The following PRKG1 variants were observed in gnomAD, a reference collection of about 807,000 sequenced individuals.
The protein encoded by PRKG1 is cGMP-dependent protein kinase 1.
PRKG1 carries 35 observed loss-of-function variants against 88.1 expected under a neutral mutation model. The observed-to-expected ratio is 0.40, with a 90% CI of 0.30 to 0.53. PRKG1 has a LOEUF of 0.53. Among genes scored for constraint, PRKG1 ranks in the 20% least tolerant of loss-of-function variants. PRKG1 has a pLI of 0.59. For synonymous variants in PRKG1, 303 were observed against 292.5 expected (o/e 1.04, Z -0.37); for missense variants, 540 against 839.8 (o/e 0.64, Z 4.41).
At chr10:52,227,759 G>T (rs1375696533) in intron 9 of PRKG1, among the ~76,000 whole-genome samples, 2 of 152,108 alleles carry the variant, frequency 1.3e-5, no homozygotes, top group Non-Finnish European at 2.9e-5. Flanking sequence ...GCATAGCATT[G>T]CAATGATAGA....
intron 2 of PRKG1, among the ~76,000 whole-genome samples, chr10:51,329,668 A>G (rs1045949385): frequency 6.6e-6 from 1 of 151,890 alleles, no homozygotes; most frequent in Non-Finnish European, 1.5e-5. Context: ...ATTCTCCTTC[A>G]TTTCTGAAGG....
intron 3 of PRKG1, among the ~76,000 whole-genome samples, chr10:51,596,360 A>C (rs77515475): frequency 0.079 from 11,954 of 152,176 alleles, 1,568 homozygotes; most frequent in African/African-American, 0.27. Flanking sequence ...TCAATATCTT[A>C]TCTTCTTCCT....
At chr10:51,772,692 A>G (rs1048385000) in intron 3 of PRKG1, among the ~76,000 whole-genome samples, 1 of 151,966 alleles carries the variant, frequency 6.6e-6, no homozygotes, top group African/African-American at 2.4e-5. Flanking sequence ...ATTTTTTCTT[A>G]AAAACATAAT....
intron 7 of PRKG1, among the ~76,000 whole-genome samples, chr10:52,112,762 G>A (rs892176183): frequency 6.6e-6 from 1 of 152,126 alleles, no homozygotes; most frequent in Non-Finnish European, 1.5e-5. Context: ...CTAAGCAGCT[G>A]TAAGCATAAG....
At chr10:52,281,063 A>T in intron 13 of PRKG1, 133 bp downstream of exon 13, 1 of 1,063,488 alleles carries the variant, frequency 9.4e-7, no homozygotes, top group Non-Finnish European at 1.3e-6. Flanking sequence ...AGATTTTAGC[A>T]TTACACTTTT....
rs2132634289 is a variant in PRKG1, at chr10:51,384,052, GT to G, written c.479-83668del. Among the ~76,000 whole-genome samples, 3 of 152,038 alleles carry G rather than the reference GT, an allele frequency of 2.0e-5. No individual in the cohort carries two copies. The South Asian group carries it at 6.2e-4, about 32-fold the overall frequency. On this transcript the variant is annotated intron_variant, in intron 2 of 17. Coordinates refer to ENST00000373980, the MANE Select transcript of PRKG1 (RefSeq NM_006258.4). ...AGCACCACCTGAAAGATTTAATTCT[GT>G]TTGATCAAGACATCAATATAACTGT...
chr10:51,454,783 A>G (rs1031479492), intron 2 of PRKG1, among the ~76,000 whole-genome samples: 2 of 152,174 alleles, frequency 1.3e-5, no homozygotes, highest in African/African-American at 4.8e-5. Flanking sequence ...TGATTCAGTT[A>G]TCTCCCACTG....
At chr10:51,797,695 A>T (rs1277412053) in intron 3 of PRKG1, among the ~76,000 whole-genome samples, 2 of 151,254 alleles carry the variant, frequency 1.3e-5, no homozygotes, top group African/African-American at 2.4e-5. Context: ...ACAATCAATC[A>T]GTGCCTTTAA....
intron 8 of PRKG1, among the ~76,000 whole-genome samples, chr10:52,158,883 G>A (rs970952942): frequency 6.6e-6 from 1 of 151,322 alleles, no homozygotes; most frequent in East Asian, 1.9e-4. Context: ...TTGTGTAAAA[G>A]GTCTCCAACT....
At chr10:51,504,448 A>T (rs191425606) in intron 3 of PRKG1, among the ~76,000 whole-genome samples, 12 of 152,272 alleles carry the variant, frequency 7.9e-5, no homozygotes, top group Admixed American at 6.5e-4. Flanking sequence ...TGACTTGGCA[A>T]TGCAAGCTCT....
intron 1 of PRKG1, among the ~76,000 whole-genome samples, chr10:51,063,537 G>A (rs1287165553): frequency 6.6e-6 from 1 of 152,154 alleles, no homozygotes. Flanking sequence ...GTACAACTAT[G>A]TATAGCAGCT....
At chr10:51,011,941 A>T (rs771922142) in intron 1 of PRKG1, among the ~76,000 whole-genome samples, 20 of 152,318 alleles carry the variant, frequency 1.3e-4, no homozygotes, top group Non-Finnish European at 2.2e-4. Flanking sequence ...GTTGAAAGGC[A>T]TGTCTTCCAT....
intron 1 of PRKG1, among the ~76,000 whole-genome samples, chr10:50,992,906 T>G (rs1842796923): frequency 6.6e-6 from 1 of 152,158 alleles, no homozygotes; most frequent in Non-Finnish European, 1.5e-5. Context: ...TCTCTTAATC[T>G]TTCCCTCTTC....
At chr10:51,850,193 T>A (rs1840511010) in intron 4 of PRKG1, among the ~76,000 whole-genome samples, 2 of 152,250 alleles carry the variant, frequency 1.3e-5, no homozygotes, top group African/African-American at 4.8e-5. Flanking sequence ...TATATTTTTT[T>A]GAGATGAAGT....
At chr10:51,669,965 T>A (rs1414114174) in intron 3 of PRKG1, among the ~76,000 whole-genome samples, 2 of 152,124 alleles carry the variant, frequency 1.3e-5, no homozygotes, top group Non-Finnish European at 1.5e-5. Context: ...AGGGGGGAAA[T>A]AATAAAAATT....
At chr10:51,582,189 A>G (rs1445344342) in intron 3 of PRKG1, among the ~76,000 whole-genome samples, 1 of 152,216 alleles carries the variant, frequency 6.6e-6, no homozygotes, top group Non-Finnish European at 1.5e-5. Context: ...AGTAAAAAAC[A>G]ATTGAATGAC....
chr10:51,023,262 T>G (rs1049280628), intron 1 of PRKG1, among the ~76,000 whole-genome samples: 1 of 152,214 alleles, frequency 6.6e-6, no homozygotes, highest in African/African-American at 2.4e-5. Flanking sequence ...CTTTATGATT[T>G]TAACTGCCCT....
At chr10:51,559,553 T>G (rs908298083) in intron 3 of PRKG1, among the ~76,000 whole-genome samples, 1 of 152,120 alleles carries the variant, frequency 6.6e-6, no homozygotes, top group Non-Finnish European at 1.5e-5. Context: ...CATAGTTAGC[T>G]CATATATTGC....
intron 2 of PRKG1, among the ~76,000 whole-genome samples, chr10:51,214,639 G>A (rs978219935): frequency 6.6e-6 from 1 of 151,172 alleles, no homozygotes; most frequent in Non-Finnish European, 1.5e-5. Flanking sequence ...CACACCCCCA[G>A]CTATATTTTT....
Sources: allele counts gnomAD v4.1 joint callset (sites outside exome capture counted in the v4.1 genomes callset), GRCh38; gene constraint gnomAD v4.1.1; transcripts MANE v1.5; gene names NCBI Gene and HGNC (gene_info 2026-07-23, HGNC 2026-07-21).